RP1: variants seen among roughly 807,000 people sequenced by gnomAD.
The protein encoded by RP1 is oxygen-regulated protein 1.
RP1 carries 16 observed loss-of-function variants against 14.8 expected under a neutral mutation model. The observed-to-expected ratio is 1.08, with a 90% CI of 0.73 to 1.65. The LOEUF is 1.65. Ranked by LOEUF, RP1 falls within the 40% of genes most tolerant of loss-of-function variation. RP1 has a pLI of 0.00. For synonymous variants in RP1, 876 were observed against 883.6 expected (o/e 0.99, Z 0.15); for missense variants, 2,631 against 2,535.0 (o/e 1.04, Z -0.81).
chr8:54,821,769 A>G (rs1811261221), intron 24 of RP1, among the ~76,000 whole-genome samples: 1 of 152,194 alleles, frequency 6.6e-6, no homozygotes, highest in South Asian at 2.1e-4. Context: ...TTCATCTACC[A>G]CCAGCTCTCC....
intron 25 of RP1, among the ~76,000 whole-genome samples, chr8:54,846,333 T>G (rs888868564): frequency 3.9e-5 from 6 of 152,222 alleles, no homozygotes; most frequent in African/African-American, 1.2e-4. Flanking sequence ...TGTGGTGGAT[T>G]TGAATCTTCA....
At chr8:54,762,899 T>G (rs1809675642) in intron 22 of RP1, among the ~76,000 whole-genome samples, 1 of 152,174 alleles carries the variant, frequency 6.6e-6, no homozygotes, top group Non-Finnish European at 1.5e-5. Flanking sequence ...ATGGCTGTCT[T>G]CCTTTTGTGT....
chr8:54,723,255 G>C (rs1808575314), intron 16 of RP1, among the ~76,000 whole-genome samples: 1 of 152,184 alleles, frequency 6.6e-6, no homozygotes, highest in Non-Finnish European at 1.5e-5. Context: ...AGTATTTGCT[G>C]TTATGATTAT....
chr8:54,691,899 T>C (rs1807721236), intron 12 of RP1, among the ~76,000 whole-genome samples: 1 of 152,034 alleles, frequency 6.6e-6, no homozygotes, highest in Non-Finnish European at 1.5e-5. Context: ...ATGTGCCATG[T>C]TCGTGTACAG....
intron 28 of RP1, among the ~76,000 whole-genome samples, chr8:54,868,922 G>A (rs910860560): frequency 2.6e-5 from 4 of 152,016 alleles, no homozygotes; most frequent in African/African-American, 9.7e-5. Flanking sequence ...TGTGTTGTGG[G>A]AGCCTCTAAG....
downstream of RP1, among the ~76,000 whole-genome samples, chr8:54,770,966 T>C (rs1021443368): frequency 3.3e-5 from 5 of 152,010 alleles, no homozygotes; most frequent in African/African-American, 1.2e-4. Context: ...ACCACATCTC[T>C]ATGTTTTCAA....
At chr8:54,812,762 CATCTATCTATCTATCTATCT>C (rs58007600) in intron 24 of RP1, among the ~76,000 whole-genome samples, 7 of 145,164 alleles carry the variant, frequency 4.8e-5, no homozygotes, top group African/African-American at 1.0e-4. Flanking sequence ...ATCTATCTAT[CATCTATCTATCTATCTATCT>C]ATCTATCTAT....
intron 13 of RP1, among the ~76,000 whole-genome samples, chr8:54,700,937 G>C (rs1807999714): frequency 6.6e-6 from 1 of 152,166 alleles, no homozygotes; most frequent in Non-Finnish European, 1.5e-5. Context: ...GATAGACTTA[G>C]TGTTTTGGAT....
chr8:54,801,053 C>G (rs1810692947), intron 24 of RP1, among the ~76,000 whole-genome samples: 1 of 152,186 alleles, frequency 6.6e-6, no homozygotes, highest in African/African-American at 2.4e-5. Context: ...GTAACCATTA[C>G]TTGGGCTGAG....
At chr8:54,680,421 G>A (rs1807398703) in intron 12 of RP1, among the ~76,000 whole-genome samples, 1 of 152,070 alleles carries the variant, frequency 6.6e-6, no homozygotes, top group Admixed American at 6.6e-5. Flanking sequence ...AAGAGTAAAC[G>A]GATGATGGTA....
At chr8:54,726,202 A>G (rs1808650622) in intron 16 of RP1, 2 of 938,692 alleles carry the variant, frequency 2.1e-6, no homozygotes, top group Non-Finnish European at 3.0e-6. Flanking sequence ...TTAACTATGT[A>G]ATTCTGAGTA....
chr8:54,601,812 G>A (rs1259313809), intron 1 of RP1, among the ~76,000 whole-genome samples: 1 of 152,148 alleles, frequency 6.6e-6, no homozygotes, highest in Non-Finnish European at 1.5e-5. Flanking sequence ...ACTATGCTAA[G>A]TGAAAAAAGC....
intron 26 of RP1, among the ~76,000 whole-genome samples, chr8:54,853,778 G>A (rs1409173171): frequency 1.7e-5 from 1 of 60,520 alleles, no homozygotes; most frequent in Non-Finnish European, 3.1e-5. Flanking sequence ...GAGAAAGGAA[G>A]GAAGAGAAAG....
intron 12 of RP1, among the ~76,000 whole-genome samples, chr8:54,693,260 C>T (rs529587708): frequency 6.6e-6 from 1 of 152,112 alleles, no homozygotes; most frequent in East Asian, 1.9e-4. Context: ...GTGATGCCTC[C>T]AGCTTTGTTC....
intron 12 of RP1, chr8:54,697,210 A>G (rs1272217030): frequency 2.8e-5 from 19 of 682,672 alleles, no homozygotes; most frequent in Non-Finnish European, 4.6e-5. Flanking sequence ...TTATCCAGAG[A>G]AGATTATTTC....
intron 24 of RP1, among the ~76,000 whole-genome samples, chr8:54,805,035 A>G (rs1810814276): frequency 6.6e-6 from 1 of 152,186 alleles, no homozygotes; most frequent in Non-Finnish European, 1.5e-5. Context: ...AGCTGCCCAT[A>G]TTATTCTGAC....
chr8:54,592,673 A>T (rs571608351), intron 1 of RP1, among the ~76,000 whole-genome samples: 14 of 152,180 alleles, frequency 9.2e-5, no homozygotes, highest in African/African-American at 3.1e-4. Context: ...TTTTTCTTAT[A>T]TAACAGGAAG....
chr8:54,679,453 T>C, exon 10 of RP1: 1 of 1,535,980 alleles, frequency 6.5e-7, no homozygotes, highest in Non-Finnish European at 8.7e-7. Context: ...ATTGTAAAAT[T>C]GTCAGAGAAC....
chr8:54,827,296 G>T (rs1484641945), intron 24 of RP1, among the ~76,000 whole-genome samples: 1 of 151,050 alleles, frequency 6.6e-6, no homozygotes, highest in Non-Finnish European at 1.5e-5. Flanking sequence ...CAAACACATT[G>T]TACAGCAGTA....
Sources: allele counts gnomAD v4.1 joint callset (sites outside exome capture counted in the v4.1 genomes callset), GRCh38; gene constraint gnomAD v4.1.1; transcripts MANE v1.5; gene names NCBI Gene and HGNC (gene_info 2026-07-23, HGNC 2026-07-21).